WASL: variants seen among roughly 807,000 people sequenced by gnomAD.
WASL encodes the protein WASP like actin nucleation promoting factor, also known as actin nucleation-promoting factor WASL.
In WASL, 20 loss-of-function variants were observed where a neutral mutation model predicts 55.5. That is an observed-to-expected ratio of 0.36 (90% CI 0.25 to 0.52). The LOEUF (loss-of-function observed/expected upper bound fraction) is 0.52, where lower values mean the gene tolerates loss of function less well. Among genes scored for constraint, WASL ranks in the 20% least tolerant of loss-of-function variants. WASL has a pLI of 0.92. For synonymous variants in WASL, 249 were observed against 217.6 expected, an observed-to-expected ratio of 1.14 and a Z score of -1.27; for missense variants, 504 against 622.5, an observed-to-expected ratio of 0.81 and a Z score of 2.03.
At chr7:123,734,964 A>T (rs555402403) in intron 1 of WASL, among the ~76,000 whole-genome samples, 2 of 152,106 alleles carry the variant, frequency 1.3e-5, no homozygotes, top group African/African-American at 2.4e-5. Context: ...ACTGCTCTAA[A>T]AAATAAGATT....
intron 1 of WASL, among the ~76,000 whole-genome samples, chr7:123,715,962 T>C (rs764764401): frequency 8.5e-5 from 13 of 152,150 alleles, no homozygotes; most frequent in African/African-American, 1.9e-4. Context: ...TGGGTTATAT[T>C]TGCAAATGGG....
intron 1 of WASL, among the ~76,000 whole-genome samples, chr7:123,710,538 T>A (rs975400327): frequency 1.3e-5 from 2 of 152,136 alleles, no homozygotes; most frequent in South Asian, 4.1e-4. Context: ...TATAATTAGA[T>A]ACTAAATTCA....
At chr7:123,703,694 G>C (rs1211228940) in intron 5 of WASL, among the ~76,000 whole-genome samples, 1 of 152,018 alleles carries the variant, frequency 6.6e-6, no homozygotes, top group Non-Finnish European at 1.5e-5. Context: ...AAATCAAAAG[G>C]CAACGTATCT....
chr7:123,702,430 A>G (rs1300559307), intron 5 of WASL, among the ~76,000 whole-genome samples: 1 of 152,170 alleles, frequency 6.6e-6, no homozygotes, highest in African/African-American at 2.4e-5. Flanking sequence ...TTATATAAAG[A>G]ATTTTCAAAT....
intron 8 of WASL, 105 bp downstream of exon 8, chr7:123,694,600 GACTTCAACAT>G (rs1417569775): frequency 2.8e-6 from 3 of 1,067,470 alleles, no homozygotes; most frequent in Non-Finnish European, 4.1e-6. Context: ...GTTGTCCATA[GACTTCAACAT>G]TCTGCTCAAG....
intron 1 of WASL, among the ~76,000 whole-genome samples, chr7:123,727,603 C>T (rs1429581679): frequency 1.3e-5 from 2 of 152,060 alleles, no homozygotes; most frequent in Non-Finnish European, 2.9e-5. Flanking sequence ...ACTAAGCCAT[C>T]ATGACAGAAA....
chr7:123,747,071 G>A (rs1303463287), intron 1 of WASL, among the ~76,000 whole-genome samples: 3 of 152,144 alleles, frequency 2.0e-5, no homozygotes, highest in South Asian at 2.1e-4. Flanking sequence ...AAAAGGCAAA[G>A]TGGTTATTTC....
At position 123,732,436 on chromosome 7, in the gene WASL, T is replaced by G. The variant is rs566916008; in HGVS notation, c.117+16182A>C. ...GGAATATTTTGAAAAACTCTATGCC[T>G]ACAAATTTTAGTAATCTAGATTAAA... On this transcript the variant is annotated intron_variant, in intron 1 of 10. Transcript: ENST00000223023. Among the ~76,000 whole-genome samples the G allele has an allele frequency of 1.6e-3, 250 of 152,310 alleles. 2 individuals are homozygous for G. The highest frequency in any genetic ancestry group is 5.9e-3 in the African/African-American group (247 of 41,562).
intron 5 of WASL, among the ~76,000 whole-genome samples, chr7:123,700,161 G>A (rs1320116521): frequency 1.0e-5 from 1 of 97,594 alleles, no homozygotes; most frequent in Non-Finnish European, 1.8e-5. Flanking sequence ...GGGCAACAGA[G>A]CGAAACTCCG....
In WASL at chr7:123,748,600, C is replaced by T. The variant is rs545798958; in HGVS notation, c.117+18G>A. 1.2e-6 allele frequency: 2 copies of T among 1,611,784 alleles called. No individual in the cohort carries two copies. Among genetic ancestry groups the T allele is most frequent in the South Asian group, 2.2e-5 (2 of 91,018 alleles). On this transcript the variant is annotated intron_variant, in intron 1 of 10. Coordinates refer to ENST00000223023, the MANE Select transcript of WASL (RefSeq NM_003941.4). The stretch of plus-strand genomic sequence containing the variant: ...TGAGGTAATGTCACGGGTGGCGACG[C>T]GGGTCTCGTCCACTGACCACACATT...
chr7:123,694,350 C>T (rs749632393), intron 8 of WASL, among the ~76,000 whole-genome samples: 12 of 151,982 alleles, frequency 7.9e-5, no homozygotes, highest in Non-Finnish European at 1.3e-4. Context: ...TCTGGAAATG[C>T]GTATATTACT....
intron 4 of WASL, among the ~76,000 whole-genome samples, 169 bp downstream of exon 4, chr7:123,706,108 C>T (rs1334835892): frequency 6.6e-6 from 1 of 152,100 alleles, no homozygotes; most frequent in Non-Finnish European, 1.5e-5. Flanking sequence ...ATATCACTGT[C>T]ATCACTATTT....
chr7:123,725,377 A>T (rs575023282), intron 1 of WASL, among the ~76,000 whole-genome samples: 12 of 152,154 alleles, frequency 7.9e-5, no homozygotes, highest in East Asian at 5.8e-4. Context: ...TGTTTTTTTT[A>T]AAAAAGGAGG....
intron 6 of WASL, 108 bp downstream of exon 6, chr7:123,696,471 G>T: frequency 7.5e-6 from 8 of 1,063,500 alleles, no homozygotes; most frequent in South Asian, 2.8e-5. Context: ...AGTGATGAAT[G>T]TACACACCCT....
At chr7:123,704,722 T>G in intron 4 of WASL, 65 bp from the exon 5 acceptor site, 1 of 1,101,796 alleles carries the variant, frequency 9.1e-7, no homozygotes, top group Non-Finnish European at 1.3e-6. Context: ...CATAAAAAAA[T>G]TAATTCACTA....
intron 1 of WASL, among the ~76,000 whole-genome samples, chr7:123,728,308 G>C (rs973466119): frequency 6.6e-6 from 1 of 152,106 alleles, no homozygotes; most frequent in Non-Finnish European, 1.5e-5. Context: ...AATTTGGCAA[G>C]GCAAAAATTA....
chr7:123,713,069 GAAT>G (rs1254095953), intron 1 of WASL, among the ~76,000 whole-genome samples: 22 of 151,966 alleles, frequency 1.4e-4, no homozygotes, highest in Non-Finnish European at 2.8e-4. Context: ...ATTTAATACT[GAAT>G]AACTGAATAT....
chr7:123,706,230 T>A, intron 4 of WASL, 47 bp downstream of exon 4: 1 of 1,543,346 alleles, frequency 6.5e-7, no homozygotes, highest in Non-Finnish European at 8.9e-7. Context: ...ACTTGCCCCA[T>A]GAGCATTAGT....
chr7:123,719,367 C>T (rs527601137), intron 1 of WASL, among the ~76,000 whole-genome samples: 1 of 152,302 alleles, frequency 6.6e-6, no homozygotes, highest in South Asian at 2.1e-4. Context: ...GTGAAGTACC[C>T]TCTCTGACTC....
Sources: gnomAD v4.1 joint callset for allele counts (sites outside exome capture counted in the v4.1 genomes callset) on GRCh38, gnomAD v4.1.1 for gene constraint, MANE v1.5 for transcripts, NCBI Gene and HGNC (gene_info 2026-07-23, HGNC 2026-07-21) for gene names.